DDX27: variants seen among roughly 807,000 people sequenced by gnomAD.
The protein encoded by DDX27 is DEAD-box helicase 27.
In DDX27, 42 loss-of-function variants were observed where a neutral mutation model predicts 99.3. That is an observed-to-expected ratio of 0.42 (90% confidence interval 0.33 to 0.55). The LOEUF (loss-of-function observed/expected upper bound fraction) is 0.55. DDX27 is among the 20% of genes least tolerant of loss of function. The pLI is 0.07. For synonymous variants in DDX27, 329 were observed against 353.8 expected (o/e 0.93, Z 0.79); for missense variants, 798 against 976.8 (o/e 0.82, Z 2.44).
At chr20:49,238,862 A>C (rs762028417) in intron 14 of DDX27, 87 bp from the exon 15 acceptor site, 12 of 941,362 alleles carry the variant, frequency 1.3e-5, no homozygotes, top group Non-Finnish European at 1.8e-5. Flanking sequence ...CTCCCACCTC[A>C]ATCTCCCAGA....
rs377131520 is a variant in DDX27 at position 49,236,536 on chromosome 20, C to T, written c.1687+26C>T. ...GTGAGCAGGCACCCCTGTGGCAGTG[C>T]AGAATGGCTCGGTGGGCGGGGCAAG... On this transcript the variant is annotated intron_variant, in intron 14 of 20. Coordinates refer to ENST00000618172, the MANE Select transcript of DDX27 (RefSeq NM_017895.8). This position sits in a 1 kb window ranked among gnomAD's most constrained non-coding sequence, Gnocchi z 4.1. The T allele has an allele frequency of 8.5e-6, 13 of 1,531,000 alleles. No homozygotes were observed. Among genetic ancestry groups the T allele is most frequent in the African/African-American group, 2.8e-5 (2 of 71,980 alleles). 94.8% of individuals were successfully genotyped at this position (1,531,000 alleles called of 1,614,324 possible). A position where few individuals can be genotyped will look rare whatever the true frequency, so the allele number is the denominator to read the frequency against.
intron 1 of DDX27, among the ~76,000 whole-genome samples, chr20:49,220,510 C>A (rs1437544248): frequency 1.3e-5 from 2 of 152,246 alleles, no homozygotes; most frequent in Non-Finnish European, 2.9e-5. Flanking sequence ...TTAAAACTCT[C>A]CAGCCTGCTG....
chr20:49,237,634 A>C (rs764573527), intron 14 of DDX27, among the ~76,000 whole-genome samples: 1 of 152,158 alleles, frequency 6.6e-6, no homozygotes, highest in Non-Finnish European at 1.5e-5. Flanking sequence ...CTAACAGTAG[A>C]TGTGATTGAG....
chr20:49,232,336 A>C (rs1980140431), intron 9 of DDX27, among the ~76,000 whole-genome samples: 1 of 152,148 alleles, frequency 6.6e-6, no homozygotes, highest in Non-Finnish European at 1.5e-5. Context: ...AGGTAACTAT[A>C]AAATAAAACT....
At chr20:49,238,822 C>T (rs1980385272) in intron 14 of DDX27, 127 bp from the exon 15 acceptor site, 22 of 486,544 alleles carry the variant, frequency 4.5e-5, no homozygotes, top group South Asian at 4.4e-4. Flanking sequence ...GTTGCCCAGG[C>T]TGGCCTCAAA....
chr20:49,230,508 T>C (rs1446096854), intron 9 of DDX27, among the ~76,000 whole-genome samples, 159 bp downstream of exon 9: 2 of 152,366 alleles, frequency 1.3e-5, no homozygotes, highest in African/African-American at 4.8e-5. Context: ...TGCCCAGCCT[T>C]AGCCCATGTT....
chr20:49,223,291 G>A lies in DDX27; in HGVS notation c.324G>A (p.Lys108=). ...KTEDKEAKSG[K]LEKEKEAKEG... The stretch of plus-strand genomic sequence containing the variant: ...AGGATAAAGAAGCCAAGTCTGGGAA[G>A]TTGGAAAAGGAGAAAGAAGCAAAGG... The change falls in exon 4 of 21, where the codon AAG becomes AAA. Residue 108 remains lysine (K), a synonymous_variant. Coordinates refer to ENST00000618172, the MANE Select transcript of DDX27 (RefSeq NM_017895.8). 2 of 1,610,986 alleles carry A rather than the reference G, an allele frequency of 1.2e-6. No individual in the cohort carries two copies. The highest frequency in any genetic ancestry group is 8.5e-7 in the Non-Finnish European group (1 of 1,179,314).
At chr20:49,226,348 C>T in intron 6 of DDX27, 82 bp from the exon 7 acceptor site, 1 of 1,033,380 alleles carries the variant, frequency 9.7e-7, no homozygotes, top group Non-Finnish European at 1.4e-6. Flanking sequence ...GTGGTCCCCA[C>T]TTGTCTGGAA....
chr20:49,228,956 G>C (rs1185245859), intron 8 of DDX27, 68 bp downstream of exon 8: 4 of 1,408,584 alleles, frequency 2.8e-6, no homozygotes, highest in Non-Finnish European at 3.8e-6. Context: ...GATGTGCCCC[G>C]CCATCTGTTG....
Position 49,219,495 on chromosome 20 carries a change from AG to A in DDX27, c.49del (p.Val17CysfsTer58). The A allele has an allele frequency of 6.2e-7, 1 of 1,614,004 alleles. No homozygotes were observed. Among genetic ancestry groups the A allele is most frequent in the Non-Finnish European group, 8.5e-7 (1 of 1,179,986 alleles). ...GLIGTIGEDD[E>X]VPVEPESDSG... is the part of the protein sequence containing the mutation. Reference sequence around the variant, plus strand: ...ATCGGAACCATAGGCGAGGATGACGAGGTGCCGGTGGAGCCCGAGTCTGACT... The same window carrying A: ...ATCGGAACCATAGGCGAGGATGACGAGTGCCGGTGGAGCCCGAGTCTGACT... On this transcript the variant is annotated frameshift_variant, in exon 1 of 21. Transcript: ENST00000618172. LOFTEE classifies it high-confidence loss of function.
chr20:49,231,822 C>T lies in DDX27; in HGVS notation c.1031+1473C>T, dbSNP rs369850087. 1.1e-4 allele frequency among the ~76,000 whole-genome samples: 17 copies of T among 152,044 alleles called. 1 individual carries two copies. Among genetic ancestry groups the T allele is most frequent in the South Asian group, 8.3e-4 (4 of 4,806 alleles). ...TGTCCCCATGAGGATTTCTCTGAATCCAGTTACTGAGAAATAATTATACGA... is the reference window on the plus strand; with the variant it reads ...TGTCCCCATGAGGATTTCTCTGAATTCAGTTACTGAGAAATAATTATACGA... On this transcript the variant is annotated intron_variant, in intron 9 of 20. Transcript: ENST00000618172.
At chr20:49,241,009 C>G (rs1037604090) in intron 16 of DDX27, among the ~76,000 whole-genome samples, 2 of 151,974 alleles carry the variant, frequency 1.3e-5, no homozygotes, top group Non-Finnish European at 1.5e-5. Context: ...AATGAGACCC[C>G]GACTCAAACC....
In DDX27 at chr20:49,243,927, T is replaced by TAA; in HGVS notation, c.*102_*103dup. 23 of 1,328,768 alleles carry TAA rather than the reference T, an allele frequency of 1.7e-5. No homozygotes were observed. The highest frequency in any genetic ancestry group is 1.7e-5 in the Non-Finnish European group (17 of 974,478). 82.3% of individuals were successfully genotyped at this position (1,328,768 alleles called of 1,614,324 possible). A position where few individuals can be genotyped will look rare whatever the true frequency, so the allele number is the denominator to read the frequency against. Reference sequence around the variant, plus strand: ...CTGGTCTGTCTTTTCTCCATTTGTTTAAAAAAAAAACAAAAACAAAAAACA... The same window carrying TAA: ...CTGGTCTGTCTTTTCTCCATTTGTTTAAAAAAAAAAAACAAAAACAAAAAACA... On this transcript the variant is annotated 3_prime_UTR_variant, in exon 21 of 21. Transcript: ENST00000618172.
chr20:49,230,308 C>T lies in DDX27; in HGVS notation c.990C>T (p.His330=), dbSNP rs148019781. Residue 330 remains histidine (H), a synonymous_variant, in exon 9 of 21, where the codon CAC becomes CAT. Coordinates refer to ENST00000618172, the MANE Select transcript of DDX27 (RefSeq NM_017895.8). ...ACCTCCACAACTGCCCTTCCTTCCA[C>T]CTGAGCAGCATCGAGGTGCTCATCC... is the stretch of plus-strand genomic sequence containing the variant. The part of the protein sequence containing the change: ...IDHLHNCPSF[H]LSSIEVLILD... 46 of 1,611,934 alleles carry T rather than the reference C, an allele frequency of 2.9e-5. No individual in the cohort carries two copies. The highest frequency in any genetic ancestry group is 3.7e-5 in the Non-Finnish European group (44 of 1,180,000).
rs550509569 is a variant in DDX27 at position 49,224,966 on chromosome 20, GGAA to G, written c.504_506del (p.Lys169del). On this transcript the variant is annotated inframe_deletion, in exon 5 of 21. Coordinates refer to ENST00000618172, the MANE Select transcript of DDX27 (RefSeq NM_017895.8). ...ATAGATACACTCAAAGTAAAGGATC[GGAA>G]GAAGAAGAAGAAGAAAGGACAGGTG... 2.2e-5 allele frequency: 36 copies of G among 1,609,470 alleles called. No homozygotes were observed. Among genetic ancestry groups the G allele is most frequent in the Middle Eastern group, 1.7e-4 (1 of 6,042 alleles).
At chr20:49,237,866 AC>A (rs1209257420) in intron 14 of DDX27, 1 of 152,780 alleles carries the variant, frequency 6.5e-6, no homozygotes, top group Non-Finnish European at 1.5e-5. Flanking sequence ...GCAGGGACAC[AC>A]AGAAGATCAG....
rs1003398487 is a variant in DDX27, at chr20:49,226,552, C to T, written c.706+17C>T. Reference sequence around the variant, plus strand: ...CTGGGACAGGTGAAAAGGATAGGGACCCAGGGTGGGCAGAAGGGTGTTACG... The same window carrying T: ...CTGGGACAGGTGAAAAGGATAGGGATCCAGGGTGGGCAGAAGGGTGTTACG... On this transcript the variant is annotated intron_variant, in intron 7 of 20. Transcript: ENST00000618172. The T allele has an allele frequency of 6.2e-7, 1 of 1,604,138 alleles. No homozygotes were observed. Among genetic ancestry groups the T allele is most frequent in the African/African-American group, 1.3e-5 (1 of 74,714 alleles).
At chr20:49,232,492 G>C (rs929035900) in intron 9 of DDX27, among the ~76,000 whole-genome samples, 4 of 151,132 alleles carry the variant, frequency 2.6e-5, no homozygotes, top group Non-Finnish European at 4.4e-5. Context: ...AGCCGGGTGC[G>C]GTGGCTCACG....
intron 19 of DDX27, among the ~76,000 whole-genome samples, chr20:49,243,124 C>T (rs535005027): frequency 6.6e-6 from 1 of 152,280 alleles, no homozygotes; most frequent in African/African-American, 2.4e-5. Context: ...GGGTACCTGT[C>T]TGTTCTCCAC....
Sources: allele counts gnomAD v4.1 joint callset (sites outside exome capture counted in the v4.1 genomes callset), GRCh38; gene constraint gnomAD v4.1.1; non-coding constraint Gnocchi (gnomAD v3.1); transcripts MANE v1.5; gene names NCBI Gene and HGNC (gene_info 2026-07-23, HGNC 2026-07-21).